Variants in MCPH1 observed in about 807,000 individuals in gnomAD.
The protein encoded by MCPH1 is microcephalin.
A neutral mutation model predicts 84.5 loss-of-function variants in MCPH1; 104 were observed. The observed-to-expected ratio is 1.23, with a 90% CI of 1.05 to 1.45. MCPH1 has a LOEUF of 1.45. Ranked by LOEUF, MCPH1 falls within the 40% of genes most tolerant of loss-of-function variation. MCPH1 has a pLI of 0.00. For missense variants in MCPH1, 1,498 were observed against 1,005.7 expected (o/e 1.49, Z -6.62); for synonymous variants, 514 against 366.8 (o/e 1.40, Z -4.58).
At chr8:6,543,558 C>G (rs1821992261) in intron 12 of MCPH1, among the ~76,000 whole-genome samples, 2 of 152,210 alleles carry the variant, frequency 1.3e-5, no homozygotes, top group African/African-American at 2.4e-5. Flanking sequence ...GGGAAAAGCG[C>G]TGTCGTATAA....
intron 8 of MCPH1, among the ~76,000 whole-genome samples, chr8:6,450,992 G>A (rs1805021824): frequency 6.6e-6 from 1 of 152,200 alleles, no homozygotes; most frequent in African/African-American, 2.4e-5. Flanking sequence ...ACAGTTGTGA[G>A]CCACTGTGCC....
intron 4 of MCPH1, among the ~76,000 whole-genome samples, chr8:6,432,655 C>T (rs1043124986): frequency 1.3e-5 from 2 of 152,224 alleles, no homozygotes; most frequent in African/African-American, 2.4e-5. Flanking sequence ...AACTACATTT[C>T]CTGTAGACTA....
intron 8 of MCPH1, 53 bp from the exon 9 acceptor site, chr8:6,455,090 T>C: frequency 7.3e-7 from 1 of 1,367,724 alleles, no homozygotes; most frequent in East Asian, 2.3e-5. Context: ...TTGCTTAAGT[T>C]GTATTTGGTC....
chr8:6,581,627 T>G (rs530004807), intron 12 of MCPH1, among the ~76,000 whole-genome samples: 7 of 152,320 alleles, frequency 4.6e-5, no homozygotes, highest in Admixed American at 2.6e-4. Flanking sequence ...ACACGCAGAC[T>G]GTGTGTGGCT....
intron 13 of MCPH1, among the ~76,000 whole-genome samples, chr8:6,633,169 T>C (rs1372235670): frequency 1.3e-5 from 2 of 152,100 alleles, no homozygotes; most frequent in African/African-American, 4.8e-5. Flanking sequence ...TGAATGCTAT[T>C]ACTCTTCAAC....
At chr8:6,529,453 CT>C (rs200029751) in intron 12 of MCPH1, among the ~76,000 whole-genome samples, 18,916 of 135,852 alleles carry the variant, frequency 0.14, 1,302 homozygotes, top group African/African-American at 0.26. Context: ...AGCCATTTTT[CT>C]TTTTTTTTTT....
intron 9 of MCPH1, among the ~76,000 whole-genome samples, chr8:6,476,993 G>A (rs1003814459): frequency 7.9e-5 from 12 of 151,980 alleles, no homozygotes; most frequent in African/African-American, 2.9e-4. Context: ...TATTTCTATA[G>A]CATTTAAATT....
At chr8:6,455,299 C>G in intron 9 of MCPH1, 47 bp downstream of exon 9, 1 of 1,275,820 alleles carries the variant, frequency 7.8e-7, no homozygotes, top group South Asian at 1.2e-5. Context: ...GCTGATACAT[C>G]ATAATGTTCT....
At chr8:6,642,862 G>A in intron 13 of MCPH1, 132 bp from the exon 14 acceptor site, 1 of 783,018 alleles carries the variant, frequency 1.3e-6, no homozygotes, top group Non-Finnish European at 2.2e-6. Context: ...TATGGACGTG[G>A]GGGGGCCTAT....
chr8:6,438,860 CG>C, intron 5 of MCPH1, 92 bp from the exon 6 acceptor site: 1 of 1,146,958 alleles, frequency 8.7e-7, no homozygotes, highest in Non-Finnish European at 1.3e-6. Flanking sequence ...AGAAGGAAAA[CG>C]GGGTGTGGGG....
At chr8:6,567,634 C>T (rs941537612) in intron 12 of MCPH1, among the ~76,000 whole-genome samples, 1 of 152,160 alleles carries the variant, frequency 6.6e-6, no homozygotes, top group Non-Finnish European at 1.5e-5. Context: ...GGCCACTGAC[C>T]AGGAAGCCTC....
intron 12 of MCPH1, among the ~76,000 whole-genome samples, chr8:6,598,604 A>C (rs2129578102): frequency 6.6e-6 from 1 of 152,348 alleles, no homozygotes; most frequent in African/African-American, 2.4e-5. Flanking sequence ...AAGGCTTTCC[A>C]AAAGGTAAAC....
intron 11 of MCPH1, among the ~76,000 whole-genome samples, chr8:6,484,590 C>G (rs1030526435): frequency 1.3e-5 from 2 of 152,208 alleles, no homozygotes; most frequent in African/African-American, 4.8e-5. Flanking sequence ...AGCAGCCTTA[C>G]TTATCATCAG....
intron 11 of MCPH1, among the ~76,000 whole-genome samples, chr8:6,486,294 CTG>C (rs1491182042): frequency 6.9e-6 from 1 of 145,430 alleles, no homozygotes. Context: ...CTCTCTCTCT[CTG>C]GCACTCTCGC....
chr8:6,641,072 T>C (rs1285853337), intron 13 of MCPH1, among the ~76,000 whole-genome samples: 1 of 152,232 alleles, frequency 6.6e-6, no homozygotes, highest in Non-Finnish European at 1.5e-5. Context: ...CATTTCTCTT[T>C]TTAAAAATCA....
chr8:6,591,817 G>A (rs1052122073), intron 12 of MCPH1, among the ~76,000 whole-genome samples: 7 of 152,052 alleles, frequency 4.6e-5, no homozygotes, highest in African/African-American at 1.7e-4. Flanking sequence ...TTGACCCTTG[G>A]CATACTCTAT....
intron 1 of MCPH1, 122 bp from the exon 2 acceptor site, chr8:6,409,157 A>G (rs1798183771): frequency 1.2e-6 from 1 of 817,672 alleles, no homozygotes; most frequent in Non-Finnish European, 2.1e-6. Context: ...CAGTGCTGGG[A>G]TTACAGGCGT....
At position 6,431,588 on chromosome 8, in the gene MCPH1, T is replaced by G; in HGVS notation, c.321+2T>G. The G allele has an allele frequency of 1.3e-6, 2 of 1,576,178 alleles. No individual in the cohort carries two copies. Among genetic ancestry groups the G allele is most frequent in the South Asian group, 1.1e-5 (1 of 89,144 alleles). On this transcript the variant is annotated splice_donor_variant, in intron 4 of 13. Transcript: ENST00000344683. LOFTEE classifies it high-confidence loss of function. ...TTATCAAGCCTAATTAAAAAAAAAG[T>G]AAGTACATGATTTCAATGTAGATAA...
chr8:6,577,391 C>G (rs149364171), intron 12 of MCPH1, among the ~76,000 whole-genome samples: 56 of 152,346 alleles, frequency 3.7e-4, no homozygotes, highest in Admixed American at 1.9e-3. Flanking sequence ...CAAATGCACA[C>G]TACCTGATCC....
Sources: allele counts gnomAD v4.1 joint callset (sites outside exome capture counted in the v4.1 genomes callset), GRCh38; gene constraint gnomAD v4.1.1; transcripts MANE v1.5; gene names NCBI Gene and HGNC (gene_info 2026-07-23, HGNC 2026-07-21).